Variants in NME7 observed in about 807,000 individuals in gnomAD.
The protein encoded by NME7 is nucleoside diphosphate kinase 7.
A neutral mutation model predicts 49.1 loss-of-function variants in NME7; 41 were observed. The observed-to-expected ratio is 0.83, with a 90% CI of 0.65 to 1.08. The LOEUF (loss-of-function observed/expected upper bound fraction) is 1.08, where lower values mean the gene tolerates loss of function less well. Among genes scored for constraint, NME7 ranks in the 50% least tolerant of loss-of-function variants. The pLI is 0.00. For synonymous variants in NME7, 139 were observed against 150.6 expected, an observed-to-expected ratio of 0.92 and a Z score of 0.56; for missense variants, 423 against 463.4, an observed-to-expected ratio of 0.91 and a Z score of 0.80.
chr1:169,135,894 A>C (rs1351287878), intron 11 of NME7, among the ~76,000 whole-genome samples: 3 of 152,040 alleles, frequency 2.0e-5, no homozygotes, highest in African/African-American at 7.2e-5. Context: ...TCACAAAGGC[A>C]TCCTAGACCC....
At chr1:169,299,935 T>C (rs542397073) in intron 5 of NME7, among the ~76,000 whole-genome samples, 13 of 152,070 alleles carry the variant, frequency 8.5e-5, no homozygotes, top group Non-Finnish European at 1.5e-4. Context: ...TAATTGCCTA[T>C]AACATATCAG....
intron 11 of NME7, among the ~76,000 whole-genome samples, chr1:169,156,810 T>C (rs1179804404): frequency 1.3e-5 from 2 of 152,232 alleles, no homozygotes; most frequent in Non-Finnish European, 2.9e-5. Context: ...GATTCTTTTA[T>C]CTGAGAAAAC....
At chr1:169,172,702 C>T (rs1659642056) in intron 10 of NME7, among the ~76,000 whole-genome samples, 1 of 152,142 alleles carries the variant, frequency 6.6e-6, no homozygotes. Flanking sequence ...AAGGTCCTCC[C>T]CATTCTTGCC....
In NME7 at chr1:169,267,561, T is replaced by A. The variant is rs1169492021; in HGVS notation, c.754+19742A>T. On this transcript the variant is annotated intron_variant, in intron 7 of 11. Transcript: ENST00000367811. ...AACCAAAAACAACATGGTACTGGTA[T>A]AAAAACAGACACACAGACCAATGGA... is the stretch of plus-strand genomic sequence containing the variant. Among the ~76,000 whole-genome samples, 4 of 133,046 alleles carry A rather than the reference T, an allele frequency of 3.0e-5. 1 individual carries two copies. Among genetic ancestry groups the A allele is most frequent in the Non-Finnish European group, 7.1e-5 (4 of 56,638 alleles). 87.3% of individuals were successfully genotyped at this position (133,046 alleles called of 152,430 possible).
intron 7 of NME7, among the ~76,000 whole-genome samples, chr1:169,265,889 T>C (rs184746268): frequency 3.8e-5 from 5 of 132,314 alleles, no homozygotes; most frequent in East Asian, 2.0e-4. Context: ...TTCCTGGACA[T>C]GTACATCCTC....
chr1:169,178,117 G>C (rs1659814152), intron 10 of NME7, among the ~76,000 whole-genome samples: 1 of 152,088 alleles, frequency 6.6e-6, no homozygotes, highest in African/African-American at 2.4e-5. Context: ...GGGATTACAG[G>C]CGTGAGCCAC....
intron 11 of NME7, among the ~76,000 whole-genome samples, chr1:169,135,999 G>A (rs1218541826): frequency 6.6e-6 from 1 of 152,086 alleles, no homozygotes; most frequent in Non-Finnish European, 1.5e-5. Flanking sequence ...ATCATAGGCG[G>A]CCTCTAGGGC....
At chr1:169,253,533 T>C (rs1386130104) in intron 7 of NME7, among the ~76,000 whole-genome samples, 3 of 152,118 alleles carry the variant, frequency 2.0e-5, no homozygotes, top group Non-Finnish European at 2.9e-5. Flanking sequence ...CTTCCTCTTT[T>C]CCTAATTGAA....
intron 10 of NME7, among the ~76,000 whole-genome samples, chr1:169,191,324 C>CA (rs1386666508): frequency 6.6e-6 from 1 of 152,186 alleles, no homozygotes; most frequent in African/African-American, 2.4e-5. Context: ...CCTGAGGACT[C>CA]AGACTCATTG....
At chr1:169,167,884 T>C (rs1439031237) in intron 11 of NME7, among the ~76,000 whole-genome samples, 1 of 152,206 alleles carries the variant, frequency 6.6e-6, no homozygotes, top group East Asian at 1.9e-4. Flanking sequence ...TTGAGTGCTA[T>C]TGTTATACTT....
chr1:169,334,511 T>C (rs1652382193), intron 1 of NME7, among the ~76,000 whole-genome samples: 1 of 152,174 alleles, frequency 6.6e-6, no homozygotes, highest in Admixed American at 6.5e-5. Flanking sequence ...ACTAGCCATA[T>C]GCAGAAAAAT....
intron 7 of NME7, among the ~76,000 whole-genome samples, chr1:169,262,573 T>A (rs1310461197): frequency 7.6e-6 from 1 of 132,162 alleles, no homozygotes; most frequent in East Asian, 2.0e-4. Context: ...GAAACCATGA[T>A]GAGATACATC....
rs184857467 is a variant in NME7, at chr1:169,346,521, G to A, written c.3+21187C>T. 1.8e-3 allele frequency among the ~76,000 whole-genome samples: 270 copies of A among 152,222 alleles called. 1 individual carries two copies. The highest frequency in any genetic ancestry group is 6.0e-3 in the African/African-American group (251 of 41,522). ...TCAGGTATCATCATCTTCTCCACAA[G>A]ACTAACTCTGGCCACTTCCCTTTAA... On this transcript the variant is annotated intron_variant, in intron 1 of 11. Transcript: ENST00000367811.
intron 1 of NME7, among the ~76,000 whole-genome samples, chr1:169,327,572 C>T (rs868104192): frequency 3.7e-4 from 57 of 152,108 alleles, no homozygotes; most frequent in African/African-American, 1.3e-3. Flanking sequence ...ACAGAGAGAA[C>T]TTTCCTAGAG....
intron 1 of NME7, among the ~76,000 whole-genome samples, chr1:169,328,615 T>C (rs947604786): frequency 1.3e-5 from 2 of 152,156 alleles, no homozygotes; most frequent in Non-Finnish European, 2.9e-5. Context: ...TAAAATTATA[T>C]TTATAAATGA....
intron 11 of NME7, among the ~76,000 whole-genome samples, chr1:169,149,732 A>C: frequency 6.6e-6 from 1 of 152,226 alleles, no homozygotes; most frequent in East Asian, 1.9e-4. Flanking sequence ...GTCAAAGCAG[A>C]ACAGCATGAG....
intron 7 of NME7, among the ~76,000 whole-genome samples, chr1:169,255,391 C>A (rs1330915549): frequency 9.1e-6 from 1 of 109,922 alleles, no homozygotes; most frequent in Non-Finnish European, 2.0e-5. Flanking sequence ...GCAACCCCTG[C>A]CTTTTTTTGT....
At chr1:169,263,686 A>T (rs1649231798) in intron 7 of NME7, among the ~76,000 whole-genome samples, 1 of 133,988 alleles carries the variant, frequency 7.5e-6, no homozygotes, top group African/African-American at 2.5e-5. Flanking sequence ...ATATTTCAGG[A>T]TATCATCCAT....
At chr1:169,258,658 T>C (rs926944284) in intron 7 of NME7, among the ~76,000 whole-genome samples, 1 of 131,300 alleles carries the variant, frequency 7.6e-6, no homozygotes, top group Non-Finnish European at 1.8e-5. Flanking sequence ...GACTTAAAAA[T>C]AGACTAATAC....
Sources: gnomAD v4.1 joint callset for allele counts (sites outside exome capture counted in the v4.1 genomes callset) on GRCh38, gnomAD v4.1.1 for gene constraint, MANE v1.5 for transcripts, NCBI Gene and HGNC (gene_info 2026-07-23, HGNC 2026-07-21) for gene names.